The following LEPR variants were observed in gnomAD, a reference collection of about 807,000 sequenced individuals.
LEPR encodes the protein leptin receptor.
Under a neutral mutation model 114.7 loss-of-function variants are expected in LEPR, and 56 were observed. The ratio of observed to expected loss-of-function variants is 0.49; its 90% CI spans 0.39 to 0.61. The LOEUF is 0.61. Ranked by LOEUF, LEPR falls within the 20% of genes least tolerant of loss-of-function variation. The pLI, the probability that LEPR is intolerant of heterozygous loss-of-function variation, is 0.00. For synonymous variants in LEPR, 443 were observed against 461.4 expected (o/e 0.96, Z 0.51); for missense variants, 1,202 against 1,352.9 (o/e 0.89, Z 1.75).
At chr1:65,453,296 T>G (rs1233732907) in intron 2 of LEPR, among the ~76,000 whole-genome samples, 1 of 152,058 alleles carries the variant, frequency 6.6e-6, no homozygotes, top group Non-Finnish European at 1.5e-5. Flanking sequence ...CTGCTCTGAT[T>G]TTAGTTATTT....
intron 2 of LEPR, among the ~76,000 whole-genome samples, chr1:65,456,451 C>A (rs1309469487): frequency 1.3e-5 from 2 of 152,112 alleles, no homozygotes; most frequent in Non-Finnish European, 2.9e-5. Flanking sequence ...TCATCTATTT[C>A]TCTTTGCAGT....
intron 2 of LEPR, among the ~76,000 whole-genome samples, chr1:65,466,374 G>A (rs1290899654): frequency 2.6e-5 from 4 of 152,182 alleles, no homozygotes; most frequent in Non-Finnish European, 5.9e-5. Flanking sequence ...TTGGCTTGTA[G>A]GGTTTCTGCC....
At chr1:65,536,942 T>G (rs1290763146) in intron 2 of LEPR, among the ~76,000 whole-genome samples, 1 of 152,188 alleles carries the variant, frequency 6.6e-6, no homozygotes, top group Non-Finnish European at 1.5e-5. Context: ...TTTAAATAGT[T>G]TGTTGACCAA....
intron 2 of LEPR, among the ~76,000 whole-genome samples, chr1:65,550,600 G>A (rs1652239218): frequency 6.6e-6 from 1 of 152,170 alleles, no homozygotes. Context: ...GAGACTCCGT[G>A]GGCGTAGGAC....
At chr1:65,526,621 CT>C (rs1557640786) in intron 2 of LEPR, among the ~76,000 whole-genome samples, 1 of 152,110 alleles carries the variant, frequency 6.6e-6, no homozygotes, top group Non-Finnish European at 1.5e-5. Flanking sequence ...AACAAATACC[CT>C]TTCACGGCTC....
At chr1:65,579,022 C>A (rs867925876) in intron 5 of LEPR, among the ~76,000 whole-genome samples, 2 of 152,140 alleles carry the variant, frequency 1.3e-5, no homozygotes, top group African/African-American at 4.8e-5. Flanking sequence ...CCTGATGCCA[C>A]GACTGATGAA....
chr1:65,631,028 T>C (rs1461894811), intron 19 of LEPR, among the ~76,000 whole-genome samples: 2 of 152,132 alleles, frequency 1.3e-5, no homozygotes, highest in Non-Finnish European at 2.9e-5. Flanking sequence ...TTTCCTTTCA[T>C]GTTTAGGAAT....
chr1:65,570,765 T>G lies in LEPR; in HGVS notation c.333T>G (p.Phe111Leu). 1 of 1,575,270 alleles carries G rather than the reference T, an allele frequency of 6.3e-7. No homozygotes were observed. The highest frequency in any genetic ancestry group is 8.6e-7 in the Non-Finnish European group (1 of 1,159,540). Residue 111 changes from phenylalanine to leucine, a missense_variant, in exon 4 of 20, where the codon TTT becomes TTG. Phe to Leu is a conservative substitution (Grantham distance 22, BLOSUM62 0). Transcript: ENST00000349533. ...LCADNIEGKT[F>L]VSTVNSLVFQ... ...CAGACAACATTGAAGGAAAGACATT[T>G]GTTTCAACAGTAAATTCTTTAGTTT...
chr1:65,452,064 AT>A (rs1646793484), intron 2 of LEPR, among the ~76,000 whole-genome samples: 1 of 151,736 alleles, frequency 6.6e-6, no homozygotes, highest in Non-Finnish European at 1.5e-5. Flanking sequence ...TTCACTCATG[AT>A]TTGGCTGTCT....
At chr1:65,591,056 A>G (rs921116232) in intron 5 of LEPR, among the ~76,000 whole-genome samples, 2 of 151,988 alleles carry the variant, frequency 1.3e-5, no homozygotes, top group Non-Finnish European at 2.9e-5. Context: ...TTTAATTTTC[A>G]TGTACTTAAA....
chr1:65,435,237 G>GTC, intron 2 of LEPR: 6 of 985,272 alleles, frequency 6.1e-6, no homozygotes, highest in Non-Finnish European at 7.2e-6. Flanking sequence ...TCCTAAGGAA[G>GTC]TCCTTACCTC....
chr1:65,573,762 A>G (rs1267886909), intron 5 of LEPR, among the ~76,000 whole-genome samples: 1 of 152,162 alleles, frequency 6.6e-6, no homozygotes, highest in African/African-American at 2.4e-5. Flanking sequence ...AGGAGGGGGA[A>G]TTGGGGAGTT....
At chr1:65,564,214 G>A (rs1260334819) in intron 2 of LEPR, among the ~76,000 whole-genome samples, 3,157 of 103,356 alleles carry the variant, frequency 0.031, no homozygotes, top group African/African-American at 0.056. Flanking sequence ...GATTCCGTGG[G>A]CGTAGGACCC....
intron 2 of LEPR, among the ~76,000 whole-genome samples, chr1:65,455,022 T>C (rs1646848010): frequency 6.6e-6 from 1 of 152,210 alleles, no homozygotes; most frequent in Non-Finnish European, 1.5e-5. Flanking sequence ...TCTCACTTCA[T>C]TTCATTCACT....
At chr1:65,612,773 T>C (rs1329940363) in intron 14 of LEPR, among the ~76,000 whole-genome samples, 2 of 152,154 alleles carry the variant, frequency 1.3e-5, no homozygotes, top group African/African-American at 4.8e-5. Context: ...TGTTTTCTCA[T>C]GATTAATTTA....
At position 65,636,888 on chromosome 1, in the gene LEPR, T is replaced by C. The variant is rs1369230026; in HGVS notation, c.3371T>C (p.Val1124Ala). Residue 1124 changes from valine (V) to alanine (A), a missense_variant, in exon 20 of 20, where the codon GTA becomes GCA. Transcript: ENST00000349533. Reference sequence around the variant, plus strand: ...CTCCAGGACAGTTGCTCACACTTTGTAGAAAATAATATCAACTTAGGAACT... The same window carrying C: ...CTCCAGGACAGTTGCTCACACTTTGCAGAAAATAATATCAACTTAGGAACT... ...RVLQDSCSHF[V>A]ENNINLGTSS... is the part of the protein sequence containing the mutation. The C allele has an allele frequency of 1.9e-6, 3 of 1,606,496 alleles. 1 individual carries two copies. The South Asian group carries it at 3.3e-5, about 18-fold the overall frequency.
chr1:65,461,323 C>T (rs930595282), intron 2 of LEPR, among the ~76,000 whole-genome samples: 1 of 152,014 alleles, frequency 6.6e-6, no homozygotes, highest in Non-Finnish European at 1.5e-5. Context: ...AACCAGGGCT[C>T]TTAGGAGAAG....
chr1:65,517,048 C>T (rs1413907680), intron 2 of LEPR, among the ~76,000 whole-genome samples: 4 of 152,220 alleles, frequency 2.6e-5, no homozygotes, highest in Non-Finnish European at 5.9e-5. Flanking sequence ...TTCGAGTAAT[C>T]TCCCATGGTT....
intron 2 of LEPR, among the ~76,000 whole-genome samples, chr1:65,536,153 C>T (rs1650759932): frequency 6.6e-6 from 1 of 152,130 alleles, no homozygotes; most frequent in Non-Finnish European, 1.5e-5. Flanking sequence ...AGCAGATCCC[C>T]AAAGAGTGGC....
Sources: gnomAD v4.1 joint callset for allele counts (sites outside exome capture counted in the v4.1 genomes callset) on GRCh38, gnomAD v4.1.1 for gene constraint, MANE v1.5 for transcripts, NCBI Gene and HGNC (gene_info 2026-07-23, HGNC 2026-07-21) for gene names.